The following GNB4 variants were observed in gnomAD, a reference collection of about 807,000 sequenced individuals.
GNB4 encodes G protein subunit beta 4, also known as guanine nucleotide-binding protein subunit beta-4.
Under a neutral mutation model 45.2 loss-of-function variants are expected in GNB4, and 28 were observed. That is an observed-to-expected ratio of 0.62 (90% CI 0.46 to 0.85). The LOEUF (loss-of-function observed/expected upper bound fraction) is 0.85, where lower values mean the gene tolerates loss of function less well. Ranked by LOEUF, GNB4 falls within the 40% of genes least tolerant of loss-of-function variation. The pLI is 0.00. For synonymous variants in GNB4, 132 were observed against 143.7 expected (o/e 0.92, Z 0.58); for missense variants, 321 against 425.4 (o/e 0.75, Z 2.16).
At chr3:179,441,843 T>G (rs1324952795) in intron 1 of GNB4, among the ~76,000 whole-genome samples, 1 of 152,070 alleles carries the variant, frequency 6.6e-6, no homozygotes, top group East Asian at 1.9e-4. Context: ...TTCACTCTTG[T>G]TGCCCAGGCT....
chr3:179,464,402 C>A, the GNB4 span: 1 of 1,289,354 alleles, frequency 7.8e-7, no homozygotes, highest in Non-Finnish European at 1.1e-6. Flanking sequence ...AGCCCGTGCA[C>A]AGCTGCTCCC....
the GNB4 span, among the ~76,000 whole-genome samples, chr3:179,498,669 A>G: frequency 2.0e-5 from 3 of 149,916 alleles, no homozygotes; most frequent in Non-Finnish European, 4.4e-5. Context: ...TCCTGAGCTC[A>G]TGGTCTGCCT....
At chr3:179,415,580 A>C (rs1459247352) in intron 5 of GNB4, among the ~76,000 whole-genome samples, 1 of 152,120 alleles carries the variant, frequency 6.6e-6, no homozygotes, top group East Asian at 1.9e-4. Context: ...ATTGCTCTAG[A>C]AACAACACTG....
chr3:179,426,141 T>A lies in GNB4; in HGVS notation c.57+3A>T, dbSNP rs1221275240. On this transcript the variant is annotated splice_donor_region_variant and intron_variant, in intron 2 of 9. Transcript: ENST00000232564. ...CTAACATTTTGAAATGAAAAGGTTT[T>A]ACCTGAATCTGATTCCGCAGTTGTT... is the stretch of plus-strand genomic sequence containing the variant. The A allele has an allele frequency of 1.3e-6, 2 of 1,597,690 alleles. No homozygotes were observed. The highest frequency in any genetic ancestry group is 1.7e-6 in the Non-Finnish European group (2 of 1,175,674).
chr3:179,494,374 AG>A, the GNB4 span, among the ~76,000 whole-genome samples: 4 of 151,864 alleles, frequency 2.6e-5, no homozygotes, highest in Non-Finnish European at 5.9e-5. Flanking sequence ...GGAAGAAGGG[AG>A]GGAGAAAAAA....
intron 2 of GNB4, among the ~76,000 whole-genome samples, chr3:179,421,308 A>T (rs895612869): frequency 6.6e-6 from 1 of 152,122 alleles, no homozygotes; most frequent in African/African-American, 2.4e-5. Context: ...TAAAAATTTG[A>T]GAGACCTCAA....
At chr3:179,523,898 T>G in the GNB4 span, among the ~76,000 whole-genome samples, 1 of 152,080 alleles carries the variant, frequency 6.6e-6, no homozygotes, top group East Asian at 1.9e-4. Context: ...TTAAAGTGTC[T>G]CAACCTAATA....
At chr3:179,433,785 A>G (rs1371037112) in intron 1 of GNB4, among the ~76,000 whole-genome samples, 1 of 152,212 alleles carries the variant, frequency 6.6e-6, no homozygotes, top group African/African-American at 2.4e-5. Context: ...TAGAATTTTT[A>G]AAGTAATTAC....
At chr3:179,474,737 CTTTTTTTTTTTTT>C in the GNB4 span, among the ~76,000 whole-genome samples, 6 of 59,726 alleles carry the variant, frequency 1.0e-4, no homozygotes, top group African/African-American at 4.4e-4. Context: ...AGACTGGGTC[CTTTTTTTTTTTTT>C]TTTTTTTTTT....
the GNB4 span, among the ~76,000 whole-genome samples, chr3:179,516,325 G>C: frequency 2.6e-5 from 4 of 152,198 alleles, no homozygotes; most frequent in Non-Finnish European, 4.4e-5. Flanking sequence ...CCAAACCTAA[G>C]AATTTTGTCT....
At chr3:179,499,259 G>A in the GNB4 span, among the ~76,000 whole-genome samples, 3 of 148,004 alleles carry the variant, frequency 2.0e-5, no homozygotes, top group African/African-American at 5.0e-5. Context: ...CCAGGTTCAC[G>A]CCATTCTCCT....
At chr3:179,503,368 A>G in the GNB4 span, among the ~76,000 whole-genome samples, 48 of 152,238 alleles carry the variant, frequency 3.2e-4, no homozygotes, top group Admixed American at 3.1e-3. Context: ...CAAAATATTC[A>G]TTATAGAATC....
intron 1 of GNB4, among the ~76,000 whole-genome samples, chr3:179,443,297 G>A (rs1346337280): frequency 6.6e-6 from 1 of 152,184 alleles, no homozygotes; most frequent in African/African-American, 2.4e-5. Context: ...CCAGCACTTT[G>A]AGAGGCTGAG....
At chr3:179,420,826 T>C (rs1714958017) in intron 3 of GNB4, 63 bp downstream of exon 3, 3 of 974,776 alleles carry the variant, frequency 3.1e-6, no homozygotes, top group Admixed American at 1.9e-5. Context: ...TGAATGTCAT[T>C]TGCCTCTATG....
At chr3:179,513,959 A>C in the GNB4 span, among the ~76,000 whole-genome samples, 1 of 152,242 alleles carries the variant, frequency 6.6e-6, no homozygotes, top group Non-Finnish European at 1.5e-5. Context: ...ATTGGCAGGC[A>C]ATCGACATTT....
intron 8 of GNB4, among the ~76,000 whole-genome samples, chr3:179,413,102 C>T (rs1402065528): frequency 6.6e-6 from 1 of 151,902 alleles, no homozygotes; most frequent in Admixed American, 6.6e-5. Flanking sequence ...CGCTTGAGCC[C>T]AGGAGGTCGA....
rs372812260 is a variant in GNB4, at chr3:179,442,681, G to C, written c.-43+8665C>G. Among the ~76,000 whole-genome samples, 5 of 151,820 alleles carry C rather than the reference G, an allele frequency of 3.3e-5. 2 individuals carry two copies. The highest frequency in any genetic ancestry group is 6.6e-5 in the Admixed American group (1 of 15,218). The stretch of plus-strand genomic sequence containing the variant: ...CTGTCGCCCAGGTTAAAGCACAGTG[G>C]CACTGCCATCCTTGCTCACCACTGC... On this transcript the variant is annotated intron_variant, in intron 1 of 9. Coordinates refer to ENST00000232564, the MANE Select transcript of GNB4 (RefSeq NM_021629.4).
chr3:179,521,825 A>G, the GNB4 span, among the ~76,000 whole-genome samples: 1 of 152,098 alleles, frequency 6.6e-6, no homozygotes, highest in Admixed American at 6.5e-5. Flanking sequence ...ATACAAAACC[A>G]TATCCAGGCC....
chr3:179,489,931 T>C, the GNB4 span, among the ~76,000 whole-genome samples: 1 of 152,232 alleles, frequency 6.6e-6, no homozygotes, highest in Non-Finnish European at 1.5e-5. Context: ...TGTATCAAGA[T>C]ACATCTTAAG....
Sources: allele counts gnomAD v4.1 joint callset (sites outside exome capture counted in the v4.1 genomes callset), GRCh38; gene constraint gnomAD v4.1.1; transcripts MANE v1.5; gene names NCBI Gene and HGNC (gene_info 2026-07-23, HGNC 2026-07-21).